The following ADAMTSL1 variants were observed in gnomAD, a reference collection of about 807,000 sequenced individuals.
ADAMTSL1 encodes the protein ADAMTS like 1.
A neutral mutation model predicts 201.8 loss-of-function variants in ADAMTSL1; 126 were observed. That is an observed-to-expected ratio of 0.62 (90% CI 0.54 to 0.72). The LOEUF is 0.72. Among genes scored for constraint, ADAMTSL1 ranks in the 30% least tolerant of loss-of-function variants. The probability of loss-of-function intolerance (pLI) is 0.00; values close to 1 mark genes in which losing one functional copy is unlikely to be tolerated. For missense variants in ADAMTSL1, 2,679 were observed against 2,277.8 expected, an observed-to-expected ratio of 1.18 and a Z score of -3.59; for synonymous variants, 1,121 against 903.4, an observed-to-expected ratio of 1.24 and a Z score of -4.32.
chr9:18,246,924 A>G (rs958194295), intron 2 of ADAMTSL1, among the ~76,000 whole-genome samples: 9 of 152,178 alleles, frequency 5.9e-5, no homozygotes, highest in Non-Finnish European at 1.0e-4. Flanking sequence ...AAGACAATGT[A>G]TTTATTACTG....
chr9:18,514,026 A>G (rs1241050973), intron 2 of ADAMTSL1, among the ~76,000 whole-genome samples: 1 of 152,132 alleles, frequency 6.6e-6, no homozygotes, highest in Non-Finnish European at 1.5e-5. Flanking sequence ...TTTCTATAAT[A>G]ATCAGTTACT....
chr9:18,075,867 A>G (rs1206913872), intron 1 of ADAMTSL1, among the ~76,000 whole-genome samples: 3 of 152,188 alleles, frequency 2.0e-5, no homozygotes, highest in African/African-American at 7.2e-5. Flanking sequence ...TGCTGAGTGA[A>G]TATTTATTGA....
intron 2 of ADAMTSL1, among the ~76,000 whole-genome samples, chr9:18,268,050 T>C (rs1832210407): frequency 1.3e-5 from 2 of 152,216 alleles, no homozygotes; most frequent in South Asian, 2.1e-4. Flanking sequence ...TTGATCTAAA[T>C]ATAGCCAAGA....
intron 13 of ADAMTSL1, among the ~76,000 whole-genome samples, chr9:18,699,214 C>T (rs1382316068): frequency 6.6e-6 from 1 of 152,142 alleles, no homozygotes; most frequent in Admixed American, 6.6e-5. Flanking sequence ...GAGAGGCCAG[C>T]TGCCTCTCAA....
intron 2 of ADAMTSL1, among the ~76,000 whole-genome samples, chr9:18,426,392 A>G (rs887511052): frequency 1.3e-5 from 2 of 152,210 alleles, no homozygotes; most frequent in African/African-American, 4.8e-5. Flanking sequence ...AGACTGGCAA[A>G]TAATTCCCTA....
chr9:18,888,335 T>A (rs551269342), intron 24 of ADAMTSL1, among the ~76,000 whole-genome samples: 9 of 152,236 alleles, frequency 5.9e-5, no homozygotes, highest in Non-Finnish European at 8.8e-5. Context: ...CACCACTATA[T>A]ATCAAAGTCA....
intron 2 of ADAMTSL1, among the ~76,000 whole-genome samples, chr9:18,402,386 C>A (rs1818019816): frequency 6.6e-6 from 1 of 152,198 alleles, no homozygotes; most frequent in Admixed American, 6.5e-5. Flanking sequence ...GTGCTCTCAT[C>A]TTTAAATGAT....
intron 1 of ADAMTSL1, among the ~76,000 whole-genome samples, chr9:18,032,640 T>C (rs779662729): frequency 6.6e-6 from 1 of 152,250 alleles, no homozygotes; most frequent in African/African-American, 2.4e-5. Flanking sequence ...AGAGGGATAG[T>C]TGTGGTTCCG....
upstream of ADAMTSL1, among the ~76,000 whole-genome samples, chr9:18,472,064 G>C (rs1454258662): frequency 6.6e-6 from 1 of 152,140 alleles, no homozygotes; most frequent in Non-Finnish European, 1.5e-5. Context: ...GGGTTTATGT[G>C]TGAAGAGGGA....
chr9:18,186,767 T>A (rs1192859706), intron 2 of ADAMTSL1, among the ~76,000 whole-genome samples: 1 of 152,058 alleles, frequency 6.6e-6, no homozygotes, highest in African/African-American at 2.4e-5. Flanking sequence ...ATCTTCTTGG[T>A]CATTGGTCAT....
chr9:18,102,238 G>A (rs1824560509), intron 1 of ADAMTSL1, among the ~76,000 whole-genome samples: 1 of 151,662 alleles, frequency 6.6e-6, no homozygotes, highest in Admixed American at 6.6e-5. Context: ...GTTTTTTTCT[G>A]CCATTTATTT....
intron 4 of ADAMTSL1, among the ~76,000 whole-genome samples, chr9:18,619,294 T>A (rs1825881914): frequency 6.6e-6 from 1 of 152,168 alleles, no homozygotes; most frequent in Non-Finnish European, 1.5e-5. Flanking sequence ...TGCAAACAAT[T>A]TTCCACTTGG....
intron 3 of ADAMTSL1, among the ~76,000 whole-genome samples, chr9:18,570,415 C>T (rs551792060): frequency 1.3e-5 from 2 of 152,240 alleles, no homozygotes; most frequent in South Asian, 2.1e-4. Context: ...GCTGGATGAT[C>T]CCAGATGCAT....
intron 2 of ADAMTSL1, among the ~76,000 whole-genome samples, chr9:18,468,514 A>G (rs948998729): frequency 5.9e-5 from 9 of 152,102 alleles, no homozygotes; most frequent in Non-Finnish European, 1.0e-4. Context: ...TCTGAGCTAA[A>G]CACTCTACAA....
chr9:18,517,700 A>G (rs545651576), intron 2 of ADAMTSL1, among the ~76,000 whole-genome samples: 2 of 152,202 alleles, frequency 1.3e-5, no homozygotes, highest in South Asian at 4.1e-4. Context: ...TAGTTTACTG[A>G]GAATGATGAT....
intron 1 of ADAMTSL1, among the ~76,000 whole-genome samples, chr9:18,062,520 A>G (rs1822504825): frequency 6.6e-6 from 1 of 152,182 alleles, no homozygotes; most frequent in African/African-American, 2.4e-5. Flanking sequence ...TTTTCCATAT[A>G]CAGGCTACCT....
intron 1 of ADAMTSL1, among the ~76,000 whole-genome samples, chr9:18,159,447 G>T (rs1383790269): frequency 6.6e-6 from 1 of 151,912 alleles, no homozygotes; most frequent in Non-Finnish European, 1.5e-5. Flanking sequence ...CTTCCTCCTA[G>T]CCTAGAAATA....
At chr9:18,541,282 A>G (rs1436375601) in intron 3 of ADAMTSL1, among the ~76,000 whole-genome samples, 1 of 152,154 alleles carries the variant, frequency 6.6e-6, no homozygotes, top group East Asian at 1.9e-4. Context: ...AGGCCGAGGC[A>G]GGCAGATCAC....
upstream of ADAMTSL1, among the ~76,000 whole-genome samples, chr9:18,470,579 T>TGTG (rs1821167439): frequency 6.6e-6 from 1 of 152,168 alleles, no homozygotes; most frequent in Non-Finnish European, 1.5e-5. Context: ...CAGGAGACCC[T>TGTG]GTGTCCCCTA....
Sources: allele counts gnomAD v4.1 joint callset (sites outside exome capture counted in the v4.1 genomes callset), GRCh38; gene constraint gnomAD v4.1.1; transcripts MANE v1.5; gene names NCBI Gene and HGNC (gene_info 2026-07-23, HGNC 2026-07-21).